The following MAMDC4 variants were observed in gnomAD, a reference collection of about 807,000 sequenced individuals.
MAMDC4 encodes the protein MAM domain containing 4.
MAMDC4 carries 168 observed loss-of-function variants against 153.3 expected under a neutral mutation model. The ratio of observed to expected loss-of-function variants is 1.10; its 90% CI spans 0.97 to 1.25. The LOEUF (loss-of-function observed/expected upper bound fraction) is 1.25, where lower values mean the gene tolerates loss of function less well. Ranked by LOEUF, MAMDC4 falls within the 50% of genes most tolerant of loss-of-function variation. The pLI is 0.00. For missense variants in MAMDC4, 1,701 were observed against 1,542.8 expected, an observed-to-expected ratio of 1.10 and a Z score of -1.72; for synonymous variants, 744 against 651.5, an observed-to-expected ratio of 1.14 and a Z score of -2.16.
Position 136,855,957 on chromosome 9 carries a change from C to G in MAMDC4, c.1589-61C>G, listed in dbSNP as rs569278534. 6 of 1,565,880 alleles carry G rather than the reference C, an allele frequency of 3.8e-6. No individual in the cohort carries two copies. The Admixed American group carries it at 1.1e-4, about 28-fold the overall frequency. ...CAGAGGGTCTCTGGACTGGGGATCC[C>G]TGAGGGACAGAGTGGGGCCCTGGAA... On this transcript the variant is annotated intron_variant, in intron 13 of 26. Coordinates refer to ENST00000317446, the MANE Select transcript of MAMDC4 (RefSeq NM_206920.3).
rs1390556659 is a variant in MAMDC4 at position 136,855,862 on chromosome 9, C to T, written c.1588+14C>T. 2.0e-6 allele frequency: 3 copies of T among 1,487,322 alleles called. No homozygotes were observed. The highest frequency in any genetic ancestry group is 2.7e-6 in the Non-Finnish European group (3 of 1,117,334). 92.1% of individuals were successfully genotyped at this position (1,487,322 alleles called of 1,614,324 possible). ...CAGCTGCTGCTGGTGAGGCCCAAGG[C>T]CCAAGGCTCAAGCCCCCGCCCGGGT... On this transcript the variant is annotated intron_variant, in intron 13 of 26. Transcript: ENST00000317446.
chr9:136,855,195 C>T, intron 10 of MAMDC4, 59 bp from the exon 11 acceptor site: 1 of 1,579,976 alleles, frequency 6.3e-7, no homozygotes, highest in South Asian at 1.2e-5. Context: ...TGCGGGTGGA[C>T]AGGGACCAGA....
chr9:136,856,381 G>T (rs1214407956), intron 14 of MAMDC4: 1 of 841,346 alleles, frequency 1.2e-6, no homozygotes, highest in African/African-American at 1.7e-5. Context: ...GGCCCTTCCG[G>T]GTGAGGAGGG....
rs990263556 is a variant in MAMDC4 at position 136,860,065 on chromosome 9, G to T, written c.3372+1G>T. On this transcript the variant is annotated splice_donor_variant, in intron 26 of 26. Coordinates refer to ENST00000317446, the MANE Select transcript of MAMDC4 (RefSeq NM_206920.3). LOFTEE classifies it high-confidence loss of function. ...CTTTGACAACATCCTTTTCAATGCG[G>T]TAGGAGCCCCTGGGGATGGGTGGGC... The T allele has an allele frequency of 6.4e-7, 1 of 1,562,882 alleles. No individual in the cohort carries two copies. Among genetic ancestry groups the T allele is most frequent in the Middle Eastern group, 1.7e-4 (1 of 5,806 alleles).
rs1849043964 is a variant in MAMDC4 at position 136,858,701 on chromosome 9, G to A, written c.2822-18G>A. On this transcript the variant is annotated intron_variant, in intron 22 of 26. Transcript: ENST00000317446. ...GGCTCTGCCCATCAGCTGGGCATCA[G>A]CCTCCTCTTGTTCCCAGGCCACTTT... is the stretch of plus-strand genomic sequence containing the variant. 1 of 1,611,866 alleles carries A rather than the reference G, an allele frequency of 6.2e-7. No homozygotes were observed. Among genetic ancestry groups the A allele is most frequent in the Non-Finnish European group, 8.5e-7 (1 of 1,179,670 alleles).
In MAMDC4 at chr9:136,858,182, C is replaced by CT. The variant is rs1355234609; in HGVS notation, c.2584-4_2584-3insT. 1 of 1,583,956 alleles carries CT rather than the reference C, an allele frequency of 6.3e-7. No homozygotes were observed. Among genetic ancestry groups the CT allele is most frequent in the Non-Finnish European group, 8.5e-7 (1 of 1,169,952 alleles). ...CTGAGGCTGCCCTGCCCTGCACCCG[C>CT]CAGGTGGTGTTTGAGGCAGTGGCCG... On this transcript the variant is annotated splice_polypyrimidine_tract_variant and splice_region_variant and intron_variant, in intron 20 of 26. Coordinates refer to ENST00000317446, the MANE Select transcript of MAMDC4 (RefSeq NM_206920.3).
chr9:136,859,568 G>A, intron 25 of MAMDC4: 1 of 591,390 alleles, frequency 1.7e-6, no homozygotes, highest in South Asian at 2.1e-5. Context: ...TGTGGCCTCT[G>A]TGCTCCCTGT....
Position 136,855,123 on chromosome 9 carries a change from A to C in MAMDC4, c.1197+13A>C. Reference sequence around the variant, plus strand: ...CTACCCCTTCCAGGTAGGGAACAGCAAGAGGGTGGGGTCTGGGGAGCCGCA... The same window carrying C: ...CTACCCCTTCCAGGTAGGGAACAGCCAGAGGGTGGGGTCTGGGGAGCCGCA... On this transcript the variant is annotated intron_variant, in intron 10 of 26. Coordinates refer to ENST00000317446, the MANE Select transcript of MAMDC4 (RefSeq NM_206920.3). The C allele has an allele frequency of 1.9e-6, 3 of 1,567,782 alleles. No individual in the cohort carries two copies. The highest frequency in any genetic ancestry group is 2.6e-6 in the Non-Finnish European group (3 of 1,156,756).
chr9:136,854,389 G>A, intron 7 of MAMDC4, 53 bp downstream of exon 7: 1 of 1,495,268 alleles, frequency 6.7e-7, no homozygotes, highest in African/African-American at 1.4e-5. Context: ...ACGCCTCGGT[G>A]GGGGCCCTGG....
In MAMDC4 at chr9:136,853,169, C is replaced by T. The variant is rs778425712; in HGVS notation, c.114C>T (p.Phe38=). 8 of 1,612,704 alleles carry T rather than the reference C, an allele frequency of 5.0e-6. No homozygotes were observed. In the African/African-American group the frequency reaches 5.3e-5, roughly 11 times the overall value. ...CRSPGQAVCN[F]VCDCRDCSDE... ...GCCCTGGCCAGGCCGTGTGCAACTT[C>T]GTGTGTGACTGCAGGGACTGCTCAG... The change falls in exon 2 of 27, where the codon TTC becomes TTT. Residue 38 remains phenylalanine (F), a synonymous_variant. Coordinates refer to ENST00000317446, the MANE Select transcript of MAMDC4 (RefSeq NM_206920.3).
chr9:136,857,127 G>A (rs1353442773), intron 16 of MAMDC4, 38 bp from the exon 17 acceptor site: 4 of 1,608,894 alleles, frequency 2.5e-6, no homozygotes, highest in East Asian at 2.2e-5. Context: ...TCAAGGCACA[G>A]GAGAGAGGTC....
Position 136,852,463 on chromosome 9 carries a change from G to C in MAMDC4, c.46+1G>C. 6.2e-7 allele frequency: 1 copy of C among 1,609,928 alleles called. No individual in the cohort carries two copies. On this transcript the variant is annotated splice_donor_variant, in intron 1 of 26. Transcript: ENST00000317446. LOFTEE classifies it high-confidence loss of function. ...CTGCCCGCCTTGGTCCTGTTCCTGG[G>C]TAAGTAGTCTGGTCCCACTCCTGAG... is the stretch of plus-strand genomic sequence containing the variant.
At position 136,855,668 on chromosome 9, in the gene MAMDC4, G is replaced by A; in HGVS notation, c.1471+49G>A. ...GACCTCCTGCTGCGGAGCCAAGGGG[G>A]TAGGCGCCGGGGCAGGCTGAGGACT... On this transcript the variant is annotated intron_variant, in intron 12 of 26. Coordinates refer to ENST00000317446, the MANE Select transcript of MAMDC4 (RefSeq NM_206920.3). 3.2e-6 allele frequency: 5 copies of A among 1,566,062 alleles called. No individual in the cohort carries two copies. In the South Asian group the frequency reaches 4.7e-5, roughly 15 times the overall value.
At chr9:136,860,184 TTGCCCTCCC>T in intron 26 of MAMDC4, 120 bp downstream of exon 26, 1 of 1,179,468 alleles carries the variant, frequency 8.5e-7, no homozygotes, top group African/African-American at 1.5e-5. Flanking sequence ...AGGCCCATCC[TTGCCCTCCC>T]TGCCCTGCCT....
chr9:136,853,721 GT>G, intron 4 of MAMDC4, 51 bp downstream of exon 4: 1 of 1,602,628 alleles, frequency 6.2e-7, no homozygotes, highest in Non-Finnish European at 8.5e-7. Flanking sequence ...GGGAGGGCGG[GT>G]GGGCAGCTGG....
chr9:136,854,756 C>T lies in MAMDC4; in HGVS notation c.935-6C>T, dbSNP rs377080167. On this transcript the variant is annotated splice_region_variant and splice_polypyrimidine_tract_variant and intron_variant, in intron 8 of 26. Coordinates refer to ENST00000317446, the MANE Select transcript of MAMDC4 (RefSeq NM_206920.3). Reference sequence around the variant, plus strand: ...GGCCCTGGCCCACTCCCGTCCTTTCCCGCAGGCTCCTTCCTGGTCTCCGTG... The same window carrying T: ...GGCCCTGGCCCACTCCCGTCCTTTCTCGCAGGCTCCTTCCTGGTCTCCGTG... 1 of 1,612,766 alleles carries T rather than the reference C, an allele frequency of 6.2e-7. No individual in the cohort carries two copies. Among genetic ancestry groups the T allele is most frequent in the Non-Finnish European group, 8.5e-7 (1 of 1,179,866 alleles).
In MAMDC4 at chr9:136,855,073, G is replaced by A. The variant is rs202115673; in HGVS notation, c.1160G>A (p.Arg387Gln). 390 of 1,596,960 alleles carry A rather than the reference G, an allele frequency of 2.4e-4. No homozygotes were observed. Among genetic ancestry groups the A allele is most frequent in the Admixed American group, 1.4e-4 (8 of 57,244 alleles). ...GGGGAGCTGGGGACCGCCTGGGTCC[G>A]AGACCGTGTTGACATCCAGAGCGCC... The part of the protein sequence containing the change: ...RRGELGTAWV[R>Q]DRVDIQSAYP... The change falls in exon 10 of 27, where the codon CGA (arginine) becomes CAA (glutamine). Residue 387 changes from arginine (R) to glutamine (Q), a missense_variant. Physicochemically the swap from Arg to Gln is conservative, Grantham distance 43. Coordinates refer to ENST00000317446, the MANE Select transcript of MAMDC4 (RefSeq NM_206920.3).
At chr9:136,860,538 A>T in intron 26 of MAMDC4, 24 bp from the exon 27 acceptor site, 1 of 1,606,678 alleles carries the variant, frequency 6.2e-7, no homozygotes, top group East Asian at 2.2e-5. Flanking sequence ...GAAAGAAAAA[A>T]AAAGCTCCTC....
chr9:136,856,816 C>G lies in MAMDC4; in HGVS notation c.1827C>G (p.Thr609=). 1.9e-6 allele frequency: 3 copies of G among 1,612,152 alleles called. No individual in the cohort carries two copies. Among genetic ancestry groups the G allele is most frequent in the Non-Finnish European group, 2.5e-6 (3 of 1,179,690 alleles). Reference sequence around the variant, plus strand: ...GCCGCGGCCCTGACCACGACCACACCACAGGCCAAGGTAGGATGGGCGCTC... The same window carrying G: ...GCCGCGGCCCTGACCACGACCACACGACAGGCCAAGGTAGGATGGGCGCTC... ...VESRGPDHDH[T]TGQGHFVLLD... Residue 609 remains threonine, a synonymous_variant, in exon 15 of 27, where the codon ACC becomes ACG. Coordinates refer to ENST00000317446, the MANE Select transcript of MAMDC4 (RefSeq NM_206920.3).
Sources: allele counts gnomAD v4.1 joint callset, GRCh38; gene constraint gnomAD v4.1.1; transcripts MANE v1.5; gene names NCBI Gene and HGNC (gene_info 2026-07-23, HGNC 2026-07-21).